CEP170: variants seen among roughly 807,000 people sequenced by gnomAD.
CEP170 encodes the protein centrosomal protein of 170 kDa.
Under a neutral mutation model 151.9 loss-of-function variants are expected in CEP170, and 21 were observed. The observed-to-expected ratio is 0.14, with a 90% CI of 0.10 to 0.20. The LOEUF (loss-of-function observed/expected upper bound fraction) is 0.20, where lower values mean the gene tolerates loss of function less well. CEP170 is among the 10% of genes least tolerant of loss of function. The pLI is 1.00. For missense variants in CEP170, 964 were observed against 1,892.9 expected (o/e 0.51, Z 9.11); for synonymous variants, 356 against 648.8 (o/e 0.55, Z 6.86).
At chr1:243,237,783 T>TA (rs2064388898) in intron 1 of CEP170, among the ~76,000 whole-genome samples, 1 of 151,920 alleles carries the variant, frequency 6.6e-6, no homozygotes, top group South Asian at 2.1e-4. Flanking sequence ...CGGGTGCCTG[T>TA]AATCCTAGCT....
intron 10 of CEP170, among the ~76,000 whole-genome samples, chr1:243,174,522 G>A (rs1220498057): frequency 6.6e-6 from 1 of 152,080 alleles, no homozygotes; most frequent in African/African-American, 2.4e-5. Context: ...AGTGAAACAG[G>A]TATCAGACTT....
At chr1:243,232,249 GC>G (rs1009256523) in intron 1 of CEP170, among the ~76,000 whole-genome samples, 1 of 152,078 alleles carries the variant, frequency 6.6e-6, no homozygotes, top group Non-Finnish European at 1.5e-5. Context: ...ACAGGTGTGA[GC>G]CCCCATGCCT....
chr1:243,250,571 A>T (rs977004406), intron 1 of CEP170, among the ~76,000 whole-genome samples: 3 of 152,236 alleles, frequency 2.0e-5, no homozygotes, highest in Admixed American at 6.5e-5. Flanking sequence ...TTTATTGGTT[A>T]ATCAGGAACA....
intron 8 of CEP170, among the ~76,000 whole-genome samples, chr1:243,187,025 A>G (rs1005367324): frequency 2.0e-5 from 3 of 152,224 alleles, no homozygotes; most frequent in Non-Finnish European, 2.9e-5. Context: ...TCCAGCTATG[A>G]GAATTTTTGA....
intron 16 of CEP170, among the ~76,000 whole-genome samples, chr1:243,136,564 G>C (rs2055106648): frequency 6.6e-6 from 1 of 152,272 alleles, no homozygotes; most frequent in East Asian, 1.9e-4. Context: ...AATTATAAAA[G>C]AGAAGATACA....
chr1:243,201,505 A>G (rs1221279221), intron 4 of CEP170, among the ~76,000 whole-genome samples: 1 of 152,132 alleles, frequency 6.6e-6, no homozygotes, highest in African/African-American at 2.4e-5. Context: ...TCTATTCACT[A>G]AAGAGTAGAG....
chr1:243,216,705 A>C (rs2062335191), intron 3 of CEP170, among the ~76,000 whole-genome samples: 1 of 152,218 alleles, frequency 6.6e-6, no homozygotes, highest in African/African-American at 2.4e-5. Flanking sequence ...AGATAGGGGA[A>C]TACCATTAAG....
At chr1:243,247,726 C>T (rs2065553693) in intron 1 of CEP170, among the ~76,000 whole-genome samples, 2 of 152,322 alleles carry the variant, frequency 1.3e-5, no homozygotes, top group South Asian at 4.1e-4. Context: ...GCGAAACTGC[C>T]TATCGGGATA....
At chr1:243,219,463 T>C (rs1435962334) in intron 3 of CEP170, among the ~76,000 whole-genome samples, 1 of 152,178 alleles carries the variant, frequency 6.6e-6, no homozygotes, top group Non-Finnish European at 1.5e-5. Flanking sequence ...TCTCCATGAG[T>C]TAGTATCTTT....
intron 1 of CEP170, among the ~76,000 whole-genome samples, chr1:243,242,260 C>T (rs2064923016): frequency 6.6e-6 from 1 of 152,132 alleles, no homozygotes; most frequent in Admixed American, 6.6e-5. Flanking sequence ...GCTCTGTCGC[C>T]CAGGCTGGAG....
intron 1 of CEP170, among the ~76,000 whole-genome samples, chr1:243,252,738 T>C (rs1395255368): frequency 1.3e-5 from 2 of 152,114 alleles, no homozygotes; most frequent in African/African-American, 4.8e-5. Context: ...TAATCCCACA[T>C]ACTGAAATTT....
At chr1:243,168,908 C>T (rs1362335112) in intron 12 of CEP170, among the ~76,000 whole-genome samples, 1 of 151,568 alleles carries the variant, frequency 6.6e-6, no homozygotes, top group African/African-American at 2.4e-5. Flanking sequence ...AAATGTACCA[C>T]ATGAAGTAGG....
chr1:243,239,333 ATCTT>A (rs2064579232), intron 1 of CEP170, among the ~76,000 whole-genome samples: 1 of 152,150 alleles, frequency 6.6e-6, no homozygotes, highest in Admixed American at 6.5e-5. Context: ...CATCCTAAAT[ATCTT>A]TCTTTGTGCC....
intron 3 of CEP170, among the ~76,000 whole-genome samples, chr1:243,219,615 A>G (rs2148969719): frequency 6.6e-6 from 1 of 152,328 alleles, no homozygotes; most frequent in Non-Finnish European, 1.5e-5. Context: ...TGCTGATGTA[A>G]TTCCCGCTGC....
intron 1 of CEP170, among the ~76,000 whole-genome samples, chr1:243,250,513 C>T (rs1023036088): frequency 2.8e-4 from 43 of 152,154 alleles, no homozygotes; most frequent in African/African-American, 9.9e-4. Context: ...GGTTTCCAGA[C>T]CAATTTTTCA....
intron 1 of CEP170, chr1:243,252,996 T>C (rs2066081890): frequency 6.6e-6 from 1 of 152,208 alleles, no homozygotes; most frequent in Non-Finnish European, 1.5e-5. Flanking sequence ...ATAAACATCA[T>C]AGGTTCTTGT....
At position 243,247,034 on chromosome 1, in the gene CEP170, T is replaced by G. The variant is rs558959351; in HGVS notation, c.-42+8006A>C. Among the ~76,000 whole-genome samples, 3 of 152,244 alleles carry G rather than the reference T, an allele frequency of 2.0e-5. No homozygotes were observed. The South Asian group carries it at 6.2e-4, about 32-fold the overall frequency. On this transcript the variant is annotated intron_variant, in intron 1 of 19. Transcript: ENST00000366542. ...CCCTATTATCATCAAGCAGACTCAT[T>G]TCCCCCACCCTCCTGCTTCCTCAAA... is the stretch of plus-strand genomic sequence containing the variant.
chr1:243,157,027 TACGCTATGGTTGGAAAA>T (rs1210967575), intron 13 of CEP170, among the ~76,000 whole-genome samples: 1 of 152,246 alleles, frequency 6.6e-6, no homozygotes, highest in Non-Finnish European at 1.5e-5. Context: ...AACATCCTGT[TACGCTATGGTTGGAAAA>T]AATCTTTTTA....
intron 16 of CEP170, 191 bp from the exon 17 acceptor site, chr1:243,136,422 G>T (rs2055088164): frequency 1.4e-6 from 1 of 690,552 alleles, no homozygotes; most frequent in Non-Finnish European, 2.3e-6. Flanking sequence ...ATTAACAAAG[G>T]AGTTCTTATT....
Sources: gnomAD v4.1 joint callset for allele counts (sites outside exome capture counted in the v4.1 genomes callset) on GRCh38, gnomAD v4.1.1 for gene constraint, MANE v1.5 for transcripts, NCBI Gene and HGNC (gene_info 2026-07-23, HGNC 2026-07-21) for gene names.